The following GNA14 variants were observed in gnomAD, a reference collection of about 807,000 sequenced individuals.
The protein encoded by GNA14 is G protein subunit alpha 14.
GNA14 carries 50 observed loss-of-function variants against 42.0 expected under a neutral mutation model. The ratio of observed to expected loss-of-function variants is 1.19; its 90% CI spans 0.95 to 1.51. The LOEUF (loss-of-function observed/expected upper bound fraction) is 1.51. Ranked by LOEUF, GNA14 falls within the 40% of genes most tolerant of loss-of-function variation. The pLI is 0.00. For missense variants in GNA14, 473 were observed against 446.2 expected (o/e 1.06, Z -0.54); for synonymous variants, 173 against 163.1 (o/e 1.06, Z -0.46).
At chr9:77,565,946 C>G (rs1822961065) in intron 1 of GNA14, among the ~76,000 whole-genome samples, 1 of 151,908 alleles carries the variant, frequency 6.6e-6, no homozygotes, top group Admixed American at 6.6e-5. Flanking sequence ...GGGATGCTAT[C>G]TGGCAAAGAA....
At chr9:77,542,221 T>G (rs367837507) in intron 1 of GNA14, among the ~76,000 whole-genome samples, 1 of 152,144 alleles carries the variant, frequency 6.6e-6, no homozygotes, top group Non-Finnish European at 1.5e-5. Context: ...TACTTTTTTG[T>G]GACGAGATAT....
intron 1 of GNA14, among the ~76,000 whole-genome samples, chr9:77,634,614 T>A (rs1824152413): frequency 6.6e-6 from 1 of 152,062 alleles, no homozygotes; most frequent in African/African-American, 2.4e-5. Flanking sequence ...AATTTTCATA[T>A]CCTTATACCA....
intron 1 of GNA14, among the ~76,000 whole-genome samples, chr9:77,547,595 G>T (rs1338941448): frequency 6.6e-6 from 1 of 152,114 alleles, no homozygotes; most frequent in African/African-American, 2.4e-5. Context: ...GGAAAAGGCA[G>T]GATGGCACAA....
At chr9:77,565,659 T>C (rs964364894) in intron 1 of GNA14, among the ~76,000 whole-genome samples, 1 of 152,346 alleles carries the variant, frequency 6.6e-6, no homozygotes, top group South Asian at 2.1e-4. Flanking sequence ...GATTTCACTA[T>C]GTTGGCCAGG....
At chr9:77,491,918 A>AAACAACTCTC (rs1836783301) in intron 2 of GNA14, among the ~76,000 whole-genome samples, 2 of 152,228 alleles carry the variant, frequency 1.3e-5, no homozygotes, top group Non-Finnish European at 2.9e-5. Flanking sequence ...TTAGGCTATA[A>AAACAACTCTC]AACAACTCTC....
intron 1 of GNA14, among the ~76,000 whole-genome samples, chr9:77,618,881 C>T (rs1823877400): frequency 6.6e-6 from 1 of 151,220 alleles, no homozygotes; most frequent in South Asian, 2.1e-4. Context: ...GATCCGCCCG[C>T]CTCGGCCTCC....
chr9:77,458,462 C>G (rs1320911859), intron 2 of GNA14, among the ~76,000 whole-genome samples: 2 of 152,154 alleles, frequency 1.3e-5, no homozygotes, highest in East Asian at 1.9e-4. Context: ...AAGACCCCAT[C>G]ACAGTAGGGC....
intron 1 of GNA14, among the ~76,000 whole-genome samples, chr9:77,551,086 G>A (rs1432348939): frequency 1.3e-5 from 2 of 152,134 alleles, no homozygotes; most frequent in Non-Finnish European, 2.9e-5. Flanking sequence ...ATCATAGGTT[G>A]AAAGGGAAAA....
intron 2 of GNA14, among the ~76,000 whole-genome samples, chr9:77,491,459 A>G (rs1047624782): frequency 6.6e-6 from 1 of 152,216 alleles, no homozygotes; most frequent in East Asian, 1.9e-4. Context: ...AAGTAAAGGA[A>G]TGGGTAAAGA....
chr9:77,519,503 A>C (rs953557193), intron 2 of GNA14, among the ~76,000 whole-genome samples: 2 of 152,228 alleles, frequency 1.3e-5, no homozygotes, highest in Non-Finnish European at 2.9e-5. Flanking sequence ...CGTTTAAAAC[A>C]CATGTCCCCT....
intron 2 of GNA14, among the ~76,000 whole-genome samples, chr9:77,448,384 C>A (rs142800484): frequency 6.6e-6 from 1 of 152,036 alleles, no homozygotes; most frequent in Non-Finnish European, 1.5e-5. Flanking sequence ...GGTCGGTGTT[C>A]GATAAATTAC....
Position 77,546,538 on chromosome 9 carries a change from G to A in GNA14, c.125-17285C>T, listed in dbSNP as rs371249468. Among the ~76,000 whole-genome samples the A allele has an allele frequency of 5.9e-5, 9 of 152,192 alleles. No homozygotes were observed. In the East Asian group the frequency reaches 9.7e-4, roughly 16 times the overall value. On this transcript the variant is annotated intron_variant, in intron 1 of 6. Coordinates refer to ENST00000341700, the MANE Select transcript of GNA14 (RefSeq NM_004297.4). ...ATTCTTTAGTAAGCATCCATTGATC[G>A]CCTAGCTGGGCACTATCTAGGCTTG...
At chr9:77,514,258 A>G (rs1438707688) in intron 2 of GNA14, among the ~76,000 whole-genome samples, 1 of 152,204 alleles carries the variant, frequency 6.6e-6, no homozygotes, top group East Asian at 1.9e-4. Context: ...CCCATAGTCA[A>G]GGAGGCAAAA....
chr9:77,549,186 G>A (rs1837760311), intron 1 of GNA14, among the ~76,000 whole-genome samples: 1 of 152,056 alleles, frequency 6.6e-6, no homozygotes, highest in Non-Finnish European at 1.5e-5. Flanking sequence ...CGCCCACCTC[G>A]GCCTCCCAAA....
intron 1 of GNA14, among the ~76,000 whole-genome samples, chr9:77,547,224 G>A (rs758902840): frequency 6.6e-6 from 1 of 152,146 alleles, no homozygotes; most frequent in Non-Finnish European, 1.5e-5. Context: ...AGACAGTGGG[G>A]AAACACAGTG....
intron 1 of GNA14, among the ~76,000 whole-genome samples, chr9:77,603,572 T>C (rs902829374): frequency 4.0e-5 from 6 of 151,650 alleles, no homozygotes; most frequent in Non-Finnish European, 7.4e-5. Flanking sequence ...ATCAAGTGAG[T>C]TTAGGAAGAG....
At chr9:77,546,357 T>A (rs1837720673) in intron 1 of GNA14, among the ~76,000 whole-genome samples, 1 of 151,660 alleles carries the variant, frequency 6.6e-6, no homozygotes, top group South Asian at 2.1e-4. Flanking sequence ...CTTGTAAATC[T>A]CCTCTCGGTG....
At chr9:77,512,109 C>T (rs1473974917) in intron 2 of GNA14, among the ~76,000 whole-genome samples, 4 of 151,872 alleles carry the variant, frequency 2.6e-5, no homozygotes. Context: ...CCTCACTTTG[C>T]CCAGTGTTTC....
chr9:77,545,445 G>A (rs1478969883), intron 1 of GNA14, among the ~76,000 whole-genome samples: 2 of 152,166 alleles, frequency 1.3e-5, no homozygotes, highest in African/African-American at 2.4e-5. Flanking sequence ...AAATATATAT[G>A]CAAATAGGTA....
Sources: allele counts gnomAD v4.1 joint callset (sites outside exome capture counted in the v4.1 genomes callset), GRCh38; gene constraint gnomAD v4.1.1; transcripts MANE v1.5; gene names NCBI Gene and HGNC (gene_info 2026-07-23, HGNC 2026-07-21).